PSMA3: variants seen among roughly 807,000 people sequenced by gnomAD.
PSMA3 encodes proteasome subunit alpha type-3.
PSMA3 carries 8 observed loss-of-function variants against 40.0 expected under a neutral mutation model. The ratio of observed to expected loss-of-function variants is 0.20; its 90% CI spans 0.12 to 0.36. PSMA3 has a LOEUF of 0.36. PSMA3 is among the 10% of genes least tolerant of loss of function. The pLI, the probability that PSMA3 is intolerant of heterozygous loss-of-function variation, is 1.00. For synonymous variants in PSMA3, 110 were observed against 100.0 expected (o/e 1.10, Z -0.59); for missense variants, 219 against 310.6 (o/e 0.70, Z 2.22).
chr14:58,256,438 G>A (rs1365080236), intron 3 of PSMA3, among the ~76,000 whole-genome samples: 1 of 134,272 alleles, frequency 7.4e-6, no homozygotes, highest in African/African-American at 2.9e-5. Context: ...TTTTTGAGAT[G>A]GAGTCTCGCT....
intron 2 of PSMA3, among the ~76,000 whole-genome samples, chr14:58,248,067 T>G (rs1209637775): frequency 6.6e-6 from 1 of 152,074 alleles, no homozygotes; most frequent in Non-Finnish European, 1.5e-5. Flanking sequence ...TAAATCACAT[T>G]CATTATCATC....
intron 8 of PSMA3, chr14:58,267,993 AAC>A (rs1187703445): frequency 6.6e-6 from 1 of 152,288 alleles, no homozygotes; most frequent in African/African-American, 2.4e-5. Context: ...AAGTTCCTAT[AAC>A]AAGGTAAGAA....
At chr14:58,265,732 T>C (rs1033171646) in intron 7 of PSMA3, 6 of 152,240 alleles carry the variant, frequency 3.9e-5, no homozygotes, top group Non-Finnish European at 8.8e-5. Context: ...CTTTTCAAGT[T>C]TGACTTTTTA....
At position 58,245,099 on chromosome 14, in the gene PSMA3, C is replaced by G. The variant is rs532213388; in HGVS notation, c.21+158C>G. 8.7e-5 allele frequency: 76 copies of G among 875,336 alleles called. 1 individual carries two copies. Among genetic ancestry groups the G allele is most frequent in the South Asian group, 4.9e-4 (35 of 71,134 alleles). 54.2% of individuals were successfully genotyped at this position (875,336 alleles called of 1,614,324 possible). The stretch of plus-strand genomic sequence containing the variant: ...TGTTTGGAGACCGGTCGTCTTTATC[C>G]CCTATATGCTAGGCCTGCGTCTCAG... On this transcript the variant is annotated intron_variant, in intron 1 of 10. Coordinates refer to ENST00000216455, the MANE Select transcript of PSMA3 (RefSeq NM_002788.4).
intron 6 of PSMA3, 92 bp from the exon 7 acceptor site, chr14:58,263,613 A>T: frequency 1.0e-6 from 1 of 987,530 alleles, no homozygotes. Flanking sequence ...GTCATTTAGC[A>T]TCCTTTCACT....
At chr14:58,254,336 A>ATG (rs1890091766) in intron 3 of PSMA3, among the ~76,000 whole-genome samples, 1 of 15,406 alleles carries the variant, frequency 6.5e-5, no homozygotes, top group Non-Finnish European at 1.6e-4. Context: ...ATGCATGCAT[A>ATG]TATATATGTA....
chr14:58,252,206 C>T lies in PSMA3; in HGVS notation c.192C>T (p.Asn64=), dbSNP rs779790639. Residue 64 remains asparagine, a synonymous_variant, in exon 3 of 11, where the codon AAC becomes AAT. Coordinates refer to ENST00000216455, the MANE Select transcript of PSMA3 (RefSeq NM_002788.4). ...VLSKLYEEGS[N]KRLFNVDRHV... ...CTAAACTTTATGAAGAAGGTTCCAA[C>T]AAAAGACTTTTTAATGTTGATCGGC... The T allele has an allele frequency of 2.5e-6, 4 of 1,612,388 alleles. No individual in the cohort carries two copies. In the African/African-American group the frequency reaches 5.3e-5, roughly 22 times the overall value.
intron 2 of PSMA3, among the ~76,000 whole-genome samples, chr14:58,248,190 T>C (rs574917111): frequency 6.6e-6 from 1 of 152,232 alleles, no homozygotes; most frequent in East Asian, 1.9e-4. Flanking sequence ...AAATGTCTTA[T>C]GCAATTAGTC....
Position 58,257,912 on chromosome 14 carries a change from C to T in PSMA3, c.331-13C>T, listed in dbSNP as rs189806693. ...AGAAGTTTATTAATAAGCTCTTCTG[C>T]TTCCCTCCATAGCATCTTGCAGACA... On this transcript the variant is annotated splice_polypyrimidine_tract_variant and intron_variant, in intron 4 of 10. Coordinates refer to ENST00000216455, the MANE Select transcript of PSMA3 (RefSeq NM_002788.4). The T allele has an allele frequency of 7.8e-4, 1,255 of 1,613,278 alleles. 9 individuals are homozygous for T. Among genetic ancestry groups the T allele is most frequent in the South Asian group, 7.2e-3 (658 of 91,070 alleles).
intron 1 of PSMA3, among the ~76,000 whole-genome samples, chr14:58,246,562 C>G (rs1195438307): frequency 6.6e-6 from 1 of 152,092 alleles, no homozygotes; most frequent in Non-Finnish European, 1.5e-5. Context: ...CCACGCCCAG[C>G]TAATTTTTGT....
In PSMA3 at chr14:58,272,002, T is replaced by A. The variant is rs1178215082; in HGVS notation, c.*107T>A. On this transcript the variant is annotated 3_prime_UTR_variant, in exon 11 of 11. Transcript: ENST00000216455. ...CAATTTTCATTAAATTTTTGTCTTA[T>A]AACTATTGAAGTTTGGTTAATATCT... The A allele has an allele frequency of 1.8e-5, 15 of 841,374 alleles. No individual in the cohort carries two copies. Among genetic ancestry groups the A allele is most frequent in the African/African-American group, 3.5e-5 (2 of 57,754 alleles). 52.1% of individuals were successfully genotyped at this position (841,374 alleles called of 1,614,324 possible).
chr14:58,263,544 A>G, intron 6 of PSMA3, 161 bp from the exon 7 acceptor site: 1 of 498,470 alleles, frequency 2.0e-6, no homozygotes, highest in Non-Finnish European at 3.6e-6. Flanking sequence ...AGTATTTTTG[A>G]GCCCTTTGGC....
At chr14:58,252,037 A>G in intron 2 of PSMA3, 82 bp from the exon 3 acceptor site, 2 of 1,424,468 alleles carry the variant, frequency 1.4e-6, no homozygotes, top group Middle Eastern at 2.4e-4. Context: ...AATGTTACTT[A>G]TTTTGTTTTT....
At chr14:58,271,169 T>C (rs560183368) in intron 10 of PSMA3, among the ~76,000 whole-genome samples, 171 bp downstream of exon 10, 2 of 151,908 alleles carry the variant, frequency 1.3e-5, no homozygotes, top group African/African-American at 2.4e-5. Context: ...ACTGGGGTGG[T>C]TTCTATGAAA....
At chr14:58,264,856 A>C (rs1341632394) in intron 7 of PSMA3, 1 of 152,254 alleles carries the variant, frequency 6.6e-6, no homozygotes, top group Non-Finnish European at 1.5e-5. Flanking sequence ...TATGAGTCTT[A>C]GACCTATGTT....
intron 10 of PSMA3, 83 bp from the exon 11 acceptor site, chr14:58,271,768 G>C: frequency 1.1e-6 from 1 of 943,092 alleles, no homozygotes; most frequent in Non-Finnish European, 1.7e-6. Flanking sequence ...ACTTAATTCA[G>C]GTTGTTGTAG....
chr14:58,261,393 G>A (rs906870163), intron 6 of PSMA3, among the ~76,000 whole-genome samples: 1 of 150,838 alleles, frequency 6.6e-6, no homozygotes, highest in Non-Finnish European at 1.5e-5. Context: ...TGGCCAGACT[G>A]GTCTTGAATT....
chr14:58,261,471 G>T (rs1594829637), intron 6 of PSMA3, among the ~76,000 whole-genome samples: 1 of 152,090 alleles, frequency 6.6e-6, no homozygotes, highest in South Asian at 2.1e-4. Flanking sequence ...GAGCCACCAG[G>T]CCCAGCCATG....
intron 5 of PSMA3, chr14:58,258,433 C>CT (rs1170210486): frequency 2.1e-4 from 17 of 82,654 alleles, no homozygotes; most frequent in African/African-American, 6.0e-4. Context: ...GACTCTGCCT[C>CT]TTTAAAAAAA....
Sources: gnomAD v4.1 joint callset for allele counts (sites outside exome capture counted in the v4.1 genomes callset) on GRCh38, gnomAD v4.1.1 for gene constraint, MANE v1.5 for transcripts, NCBI Gene and HGNC (gene_info 2026-07-23, HGNC 2026-07-21) for gene names.